The following DOCK2 variants were observed in gnomAD, a reference collection of about 807,000 sequenced individuals.
DOCK2 encodes the protein dedicator of cytokinesis protein 2.
DOCK2 carries 87 observed loss-of-function variants against 248.9 expected under a neutral mutation model. That is an observed-to-expected ratio of 0.35 (90% CI 0.29 to 0.42). The LOEUF (loss-of-function observed/expected upper bound fraction) is 0.42. Among genes scored for constraint, DOCK2 ranks in the 10% least tolerant of loss-of-function variants. DOCK2 has a pLI of 1.00. For synonymous variants in DOCK2, 805 were observed against 821.6 expected (o/e 0.98, Z 0.35); for missense variants, 1,747 against 2,300.2 (o/e 0.76, Z 4.92).
chr5:170,033,761 A>C (rs1756226247), intron 34 of DOCK2, among the ~76,000 whole-genome samples: 1 of 152,212 alleles, frequency 6.6e-6, no homozygotes, highest in Non-Finnish European at 1.5e-5. Context: ...GCTAAGCTCT[A>C]TGTTAGTTGG....
At chr5:169,682,668 A>G (rs1759733197) in intron 7 of DOCK2, among the ~76,000 whole-genome samples, 1 of 133,972 alleles carries the variant, frequency 7.5e-6, no homozygotes, top group African/African-American at 2.7e-5. Flanking sequence ...ATTTATTAAG[A>G]TATAATTTTC....
intron 44 of DOCK2, among the ~76,000 whole-genome samples, chr5:170,065,969 T>G: frequency 6.6e-6 from 1 of 151,442 alleles, no homozygotes; most frequent in South Asian, 2.1e-4. Context: ...TTTTTTTTTT[T>G]GAGACAGAGT....
intron 27 of DOCK2, among the ~76,000 whole-genome samples, chr5:169,867,419 G>A (rs1771639562): frequency 6.8e-6 from 1 of 146,732 alleles, no homozygotes; most frequent in Non-Finnish European, 1.5e-5. Flanking sequence ...CTGTCTGTCT[G>A]TCTGTCTGTC....
chr5:169,661,738 C>T (rs1758460374), intron 2 of DOCK2, among the ~76,000 whole-genome samples: 1 of 152,126 alleles, frequency 6.6e-6, no homozygotes, highest in African/African-American at 2.4e-5. Flanking sequence ...TGTCATATTT[C>T]ACTTAGCATA....
At chr5:169,736,880 T>C (rs979720282) in intron 22 of DOCK2, among the ~76,000 whole-genome samples, 1 of 152,206 alleles carries the variant, frequency 6.6e-6, no homozygotes, top group Non-Finnish European at 1.5e-5. Flanking sequence ...AGAACTTTGG[T>C]TTGCATTAGT....
chr5:169,780,393 T>C (rs1465099966), intron 25 of DOCK2, among the ~76,000 whole-genome samples: 1 of 152,008 alleles, frequency 6.6e-6, no homozygotes, highest in Non-Finnish European at 1.5e-5. Flanking sequence ...TCAACTTCTT[T>C]TCTCATGGTG....
intron 27 of DOCK2, among the ~76,000 whole-genome samples, chr5:169,861,676 A>G (rs1185381335): frequency 1.3e-5 from 2 of 152,238 alleles, no homozygotes; most frequent in African/African-American, 4.8e-5. Flanking sequence ...TGAATAAGTG[A>G]GTATGCAGTT....
At chr5:169,808,614 T>G (rs1414000449) in intron 26 of DOCK2, among the ~76,000 whole-genome samples, 1 of 152,132 alleles carries the variant, frequency 6.6e-6, no homozygotes, top group African/African-American at 2.4e-5. Context: ...CAAGTTTAGT[T>G]GTCAACTCCA....
chr5:169,978,356 A>C (rs1777794631), intron 27 of DOCK2, among the ~76,000 whole-genome samples: 1 of 104,500 alleles, frequency 9.6e-6, no homozygotes. Context: ...ATGGCACTGC[A>C]GGGGTCCTGG....
chr5:170,015,946 C>G (rs1452335718), intron 32 of DOCK2, among the ~76,000 whole-genome samples: 2 of 149,994 alleles, frequency 1.3e-5, no homozygotes, highest in Admixed American at 6.8e-5. Context: ...CTCCTTCCTT[C>G]TTGTTTCTTT....
chr5:170,035,182 C>T lies in DOCK2; in HGVS notation c.3624+627C>T, dbSNP rs147314803. ...TGGCTGCCAAGCAGCCTCTCTCACA[C>T]GCTCTGTGATTCGACCAGGAGACAG... is the stretch of plus-strand genomic sequence containing the variant. On this transcript the variant is annotated intron_variant, in intron 35 of 51. Coordinates refer to ENST00000520908, the MANE Select transcript of DOCK2 (RefSeq NM_004946.3). 3.3e-5 allele frequency among the ~76,000 whole-genome samples: 5 copies of T among 152,322 alleles called. No individual in the cohort carries two copies. The South Asian group carries it at 6.2e-4, about 19-fold the overall frequency.
intron 26 of DOCK2, among the ~76,000 whole-genome samples, chr5:169,835,529 A>G (rs990271991): frequency 2.0e-5 from 3 of 152,160 alleles, no homozygotes; most frequent in African/African-American, 7.2e-5. Context: ...TGCTGGGATT[A>G]CAGGCATGAG....
intron 27 of DOCK2, among the ~76,000 whole-genome samples, chr5:169,932,815 C>T (rs1231155894): frequency 6.6e-6 from 1 of 152,048 alleles, no homozygotes; most frequent in Non-Finnish European, 1.5e-5. Context: ...ATAGTGGCTT[C>T]CTTGTCTTTT....
chr5:169,806,200 T>C (rs975037746), intron 26 of DOCK2, among the ~76,000 whole-genome samples: 14 of 149,278 alleles, frequency 9.4e-5, no homozygotes, highest in Non-Finnish European at 1.9e-4. Flanking sequence ...ATTGCCTGCA[T>C]AGTCATATCA....
chr5:169,967,692 A>T (rs369172005), intron 27 of DOCK2, among the ~76,000 whole-genome samples: 7 of 152,272 alleles, frequency 4.6e-5, no homozygotes, highest in African/African-American at 1.7e-4. Flanking sequence ...AATTGATTAG[A>T]GGGGCCAGAG....
intron 26 of DOCK2, among the ~76,000 whole-genome samples, chr5:169,836,192 T>A (rs1299156947): frequency 6.6e-6 from 1 of 152,256 alleles, no homozygotes; most frequent in Non-Finnish European, 1.5e-5. Flanking sequence ...ATTAAAAATA[T>A]TATCCTATGC....
intron 10 of DOCK2, among the ~76,000 whole-genome samples, chr5:169,697,797 T>C (rs1326722764): frequency 2.0e-5 from 3 of 152,202 alleles, no homozygotes; most frequent in Admixed American, 2.0e-4. Context: ...CTCCCACTTC[T>C]ATAATCCCCA....
At chr5:169,727,041 C>T (rs1299931169) in intron 22 of DOCK2, among the ~76,000 whole-genome samples, 6 of 147,838 alleles carry the variant, frequency 4.1e-5, no homozygotes, top group African/African-American at 1.5e-4. Flanking sequence ...GCACTCCAGT[C>T]TGAGTGATAG....
rs1372894544 is a variant in DOCK2, at chr5:170,057,802, T to G, written c.4467+136T>G. 4 of 739,036 alleles carry G rather than the reference T, an allele frequency of 5.4e-6. No homozygotes were observed. In the African/African-American group the frequency reaches 7.3e-5, roughly 13 times the overall value. The allele number at this position is 739,036 out of a possible 1,614,324, so 45.8% of individuals were successfully genotyped here. On this transcript the variant is annotated intron_variant, in intron 44 of 51. Coordinates refer to ENST00000520908, the MANE Select transcript of DOCK2 (RefSeq NM_004946.3). ...TGCTGTGTGAGTCCCAGAATTCCCA[T>G]GCAGGCAGCATTCAGAATAGTGCCT...
Sources: allele counts gnomAD v4.1 joint callset (sites outside exome capture counted in the v4.1 genomes callset), GRCh38; gene constraint gnomAD v4.1.1; transcripts MANE v1.5; gene names NCBI Gene and HGNC (gene_info 2026-07-23, HGNC 2026-07-21).